SLC25A37: variants seen among roughly 807,000 people sequenced by gnomAD.
SLC25A37 encodes mitoferrin-1.
SLC25A37 carries 17 observed loss-of-function variants against 31.0 expected under a neutral mutation model. The ratio of observed to expected loss-of-function variants is 0.55; its 90% CI spans 0.38 to 0.82. The LOEUF (loss-of-function observed/expected upper bound fraction) is 0.82, where lower values mean the gene tolerates loss of function less well. Among genes scored for constraint, SLC25A37 ranks in the 40% least tolerant of loss-of-function variants. The pLI, the probability that SLC25A37 is intolerant of heterozygous loss-of-function variation, is 0.00. For synonymous variants in SLC25A37, 222 were observed against 193.0 expected (o/e 1.15, Z -1.24); for missense variants, 404 against 465.8 (o/e 0.87, Z 1.22).
At chr8:23,540,920 A>T (rs2872716) in intron 1 of SLC25A37, among the ~76,000 whole-genome samples, 68 of 152,190 alleles carry the variant, frequency 4.5e-4, no homozygotes, top group African/African-American at 1.6e-3. Context: ...GTGCTAGGTC[A>T]TGGTATTTAT....
chr8:23,549,587 A>G (rs1283277839), intron 1 of SLC25A37, among the ~76,000 whole-genome samples: 1 of 152,162 alleles, frequency 6.6e-6, no homozygotes, highest in African/African-American at 2.4e-5. Context: ...AGCCTGGTGC[A>G]TCTGGTGTCC....
intron 1 of SLC25A37, among the ~76,000 whole-genome samples, chr8:23,561,558 A>G (rs1802516132): frequency 6.6e-6 from 1 of 152,218 alleles, no homozygotes; most frequent in South Asian, 2.1e-4. Context: ...AACCTGCTTG[A>G]GGTCCCAGAG....
intron 1 of SLC25A37, chr8:23,543,267 T>G (rs538688914): frequency 6.6e-6 from 1 of 152,278 alleles, no homozygotes; most frequent in African/African-American, 2.4e-5. Context: ...AGTTTCGCAA[T>G]GTTGGCCAGG....
intron 1 of SLC25A37, among the ~76,000 whole-genome samples, chr8:23,534,755 A>G (rs1801730581): frequency 6.6e-6 from 1 of 152,210 alleles, no homozygotes; most frequent in Non-Finnish European, 1.5e-5. Flanking sequence ...CCGATCTCCC[A>G]GGGTGGTTGT....
chr8:23,537,971 C>G (rs376320381), intron 1 of SLC25A37, among the ~76,000 whole-genome samples: 31 of 152,026 alleles, frequency 2.0e-4, no homozygotes, highest in Non-Finnish European at 3.2e-4. Flanking sequence ...CCTCCTCCAG[C>G]CTTTCTTGGA....
intron 1 of SLC25A37, among the ~76,000 whole-genome samples, chr8:23,534,746 C>T (rs575129233): frequency 5.9e-5 from 9 of 152,278 alleles, no homozygotes; most frequent in South Asian, 2.1e-4. Flanking sequence ...GAGATGGTAC[C>T]GATCTCCCAG....
At chr8:23,546,591 A>G (rs1563256275) in intron 1 of SLC25A37, among the ~76,000 whole-genome samples, 2 of 77,812 alleles carry the variant, frequency 2.6e-5, no homozygotes, top group Non-Finnish European at 4.3e-5. Context: ...TAGTGTATAT[A>G]TATATAGTGT....
chr8:23,574,897 A>G lies in SLC25A37; in HGVS notation c.*3042A>G, dbSNP rs534638524. The G allele has an allele frequency of 2.6e-5, 4 of 153,062 alleles. No homozygotes were observed. The highest frequency in any genetic ancestry group is 1.9e-4 in the East Asian group (1 of 5,176). The allele number at this position is 153,062 out of a possible 1,614,324, so 9.5% of individuals were successfully genotyped here. On this transcript the variant is annotated 3_prime_UTR_variant, in exon 4 of 4. Transcript: ENST00000519973. ...CTGAGTACAGCACTCGTACTTTTACATGATGTGTGTGTGAGTAGCTCTTCT... is the reference window on the plus strand; with the variant it reads ...CTGAGTACAGCACTCGTACTTTTACGTGATGTGTGTGTGAGTAGCTCTTCT...
chr8:23,566,998 G>T (rs1457093961), intron 2 of SLC25A37: 11 of 208,842 alleles, frequency 5.3e-5, no homozygotes, highest in Admixed American at 2.6e-4. Context: ...GGGTGGGGGG[G>T]TGCAAATCTG....
At chr8:23,547,217 G>A (rs184680465) in intron 1 of SLC25A37, among the ~76,000 whole-genome samples, 5 of 152,276 alleles carry the variant, frequency 3.3e-5, no homozygotes, top group South Asian at 2.1e-4. Flanking sequence ...TGAGTAGCTC[G>A]AGTGTAAGGG....
intron 2 of SLC25A37, 101 bp from the exon 3 acceptor site, chr8:23,568,221 T>G (rs762015650): frequency 7.6e-7 from 1 of 1,314,924 alleles, no homozygotes. Flanking sequence ...ACATTTTGCT[T>G]CTTAGAAAGC....
chr8:23,538,899 A>G (rs1023726889), intron 1 of SLC25A37, among the ~76,000 whole-genome samples: 9 of 152,024 alleles, frequency 5.9e-5, no homozygotes, highest in Admixed American at 5.9e-4. Flanking sequence ...GCGTCATTCT[A>G]GTTTCTTTGC....
chr8:23,533,250 A>C (rs1563249603), intron 1 of SLC25A37, among the ~76,000 whole-genome samples: 1 of 152,282 alleles, frequency 6.6e-6, no homozygotes, highest in East Asian at 1.9e-4. Context: ...GGGGAGGGGC[A>C]GGCTGGAGCG....
At chr8:23,546,556 G>GTATATATATATATATATATATAGTGTATA (rs1802058401) in intron 1 of SLC25A37, among the ~76,000 whole-genome samples, 1 of 42,588 alleles carries the variant, frequency 2.3e-5, no homozygotes, top group Non-Finnish European at 3.7e-5. Context: ...TATATATAGT[G>GTATATATATATATATATATATAGTGTATA]TATATATATA....
chr8:23,538,210 G>A lies in SLC25A37; in HGVS notation c.210+8998G>A, dbSNP rs182100606. Among the ~76,000 whole-genome samples the A allele has an allele frequency of 3.5e-3, 528 of 151,128 alleles. 3 individuals are homozygous for A. Among genetic ancestry groups the A allele is most frequent in the Non-Finnish European group, 6.4e-3 (435 of 67,738 alleles). The stretch of plus-strand genomic sequence containing the variant: ...AGCCTGGCCAACATGGCAAAACCCC[G>A]TCTCTACTAAAAATACAAAAATTAG... On this transcript the variant is annotated intron_variant, in intron 1 of 3. Coordinates refer to ENST00000519973, the MANE Select transcript of SLC25A37 (RefSeq NM_016612.4).
Position 23,573,973 on chromosome 8 carries a change from G to T in SLC25A37, c.*2118G>T. The T allele has an allele frequency of 3.0e-6, 1 of 338,924 alleles. No homozygotes were observed. 21.0% of individuals were successfully genotyped at this position (338,924 alleles called of 1,614,324 possible). A position where few individuals can be genotyped will look rare whatever the true frequency, so the allele number is the denominator to read the frequency against. On this transcript the variant is annotated 3_prime_UTR_variant, in exon 4 of 4. Transcript: ENST00000519973. ...TGGTGTTAAATTCTGCAAATGGAGG[G>T]GAAAAAAATCAAATTCTAAATTTCA...
rs905274548 is a variant in SLC25A37 at position 23,572,082 on chromosome 8, G to C, written c.*227G>C. ...AGGAAGGACTTGGGAAGGGGAGCGA[G>C]AAATTGCTTTTTCTCTTCCTCCCTG... is the stretch of plus-strand genomic sequence containing the variant. On this transcript the variant is annotated 3_prime_UTR_variant, in exon 4 of 4. Coordinates refer to ENST00000519973, the MANE Select transcript of SLC25A37 (RefSeq NM_016612.4). The C allele has an allele frequency of 9.7e-6, 5 of 515,558 alleles. No homozygotes were observed. The highest frequency in any genetic ancestry group is 5.7e-5 in the African/African-American group (3 of 52,600). 31.9% of individuals were successfully genotyped at this position (515,558 alleles called of 1,614,324 possible).
At chr8:23,546,891 G>T (rs1802082751) in intron 1 of SLC25A37, among the ~76,000 whole-genome samples, 1 of 151,944 alleles carries the variant, frequency 6.6e-6, no homozygotes, top group Non-Finnish European at 1.5e-5. Flanking sequence ...GGGGGTTGGG[G>T]TGCAGTGCGT....
intron 1 of SLC25A37, among the ~76,000 whole-genome samples, chr8:23,533,533 C>T (rs114443627): frequency 6.6e-6 from 1 of 152,126 alleles, no homozygotes; most frequent in Non-Finnish European, 1.5e-5. Context: ...CAGCAGTGAC[C>T]AGTCTTGGGG....
Sources: gnomAD v4.1 joint callset for allele counts (sites outside exome capture counted in the v4.1 genomes callset) on GRCh38, gnomAD v4.1.1 for gene constraint, MANE v1.5 for transcripts, NCBI Gene and HGNC (gene_info 2026-07-23, HGNC 2026-07-21) for gene names.